THSD7B: variants seen among roughly 807,000 people sequenced by gnomAD.
The protein encoded by THSD7B is thrombospondin type 1 domain containing 7B.
Under a neutral mutation model 213.6 loss-of-function variants are expected in THSD7B, and 138 were observed. That is an observed-to-expected ratio of 0.65 (90% CI 0.56 to 0.74). The LOEUF is 0.74. THSD7B is among the 30% of genes least tolerant of loss of function. THSD7B has a pLI of 0.00. For synonymous variants in THSD7B, 742 were observed against 687.0 expected, an observed-to-expected ratio of 1.08 and a Z score of -1.25; for missense variants, 1,931 against 1,991.5, an observed-to-expected ratio of 0.97 and a Z score of 0.58.
At chr2:137,565,427 C>T (rs562854566) in intron 16 of THSD7B, among the ~76,000 whole-genome samples, 1 of 152,152 alleles carries the variant, frequency 6.6e-6, no homozygotes, top group East Asian at 1.9e-4. Flanking sequence ...GAGAATGAGA[C>T]CACAAGAATG....
intron 12 of THSD7B, among the ~76,000 whole-genome samples, chr2:137,404,468 T>TACACACACACACAC (rs1433746813): frequency 1.4e-5 from 1 of 73,124 alleles, no homozygotes; most frequent in African/African-American, 5.3e-5. Context: ...TATATATATA[T>TACACACACACACAC]ATATATACAC....
intron 12 of THSD7B, among the ~76,000 whole-genome samples, chr2:137,369,952 G>T (rs984034336): frequency 6.8e-6 from 1 of 146,654 alleles, no homozygotes; most frequent in Admixed American, 7.0e-5. Context: ...AATTTGAATA[G>T]CTGTCTCTGT....
At chr2:137,343,549 T>C (rs1684808184) in intron 12 of THSD7B, among the ~76,000 whole-genome samples, 1 of 151,714 alleles carries the variant, frequency 6.6e-6, no homozygotes, top group Non-Finnish European at 1.5e-5. Context: ...TATTGGTGTT[T>C]GGGGCAGGAT....
intron 15 of THSD7B, among the ~76,000 whole-genome samples, chr2:137,473,704 T>G (rs1309846459): frequency 1.3e-5 from 2 of 152,198 alleles, no homozygotes; most frequent in African/African-American, 2.4e-5. Context: ...TTCAATTGCT[T>G]TTAAGTACCA....
chr2:136,967,737 CCT>C (rs1336929790), intron 2 of THSD7B, among the ~76,000 whole-genome samples: 1 of 152,140 alleles, frequency 6.6e-6, no homozygotes, highest in Non-Finnish European at 1.5e-5. Context: ...CAATCAACTC[CCT>C]CTTACCCAGA....
intron 25 of THSD7B, among the ~76,000 whole-genome samples, chr2:137,661,429 A>AGTC (rs967875820): frequency 2.2e-4 from 33 of 152,020 alleles, no homozygotes; most frequent in African/African-American, 7.2e-4. Context: ...TCTTTGGTGA[A>AGTC]GTCTTTTATC....
intron 15 of THSD7B, among the ~76,000 whole-genome samples, chr2:137,457,571 G>C (rs1414144205): frequency 5.3e-5 from 8 of 152,120 alleles, no homozygotes; most frequent in Non-Finnish European, 1.5e-5. Flanking sequence ...AGCTTCAACA[G>C]GAAAATCAAA....
At chr2:137,478,125 T>C (rs973684818) in intron 15 of THSD7B, among the ~76,000 whole-genome samples, 1 of 152,178 alleles carries the variant, frequency 6.6e-6, no homozygotes, top group African/African-American at 2.4e-5. Context: ...TCTGGATGTC[T>C]AAATCTTTTC....
At chr2:136,777,921 C>T (rs1173310855) in intron 1 of THSD7B, among the ~76,000 whole-genome samples, 1 of 152,080 alleles carries the variant, frequency 6.6e-6, no homozygotes, top group Non-Finnish European at 1.5e-5. Flanking sequence ...TAATCCTCTT[C>T]CTAGAGGACT....
At chr2:137,392,514 T>G (rs937929951) in intron 12 of THSD7B, among the ~76,000 whole-genome samples, 3 of 152,190 alleles carry the variant, frequency 2.0e-5, no homozygotes, top group African/African-American at 7.2e-5. Flanking sequence ...CATTTTTGTC[T>G]TTTCATAAAC....
intron 2 of THSD7B, among the ~76,000 whole-genome samples, chr2:136,899,098 A>T (rs865839906): frequency 6.6e-6 from 1 of 152,182 alleles, no homozygotes; most frequent in Non-Finnish European, 1.5e-5. Context: ...CCTTAGTTAA[A>T]TGAATAGACT....
At chr2:137,507,727 CCT>C (rs1388773070) in intron 15 of THSD7B, among the ~76,000 whole-genome samples, 1 of 150,966 alleles carries the variant, frequency 6.6e-6, no homozygotes, top group Non-Finnish European at 1.5e-5. Flanking sequence ...TGTCTTCTTT[CCT>C]CTCTCTCTAC....
intron 2 of THSD7B, among the ~76,000 whole-genome samples, chr2:136,960,828 G>A (rs1685203870): frequency 6.6e-6 from 1 of 151,202 alleles, no homozygotes; most frequent in African/African-American, 2.4e-5. Flanking sequence ...AGTGGCTCAG[G>A]CCTGTAATCC....
intron 1 of THSD7B, among the ~76,000 whole-genome samples, chr2:136,801,768 G>A (rs1434282318): frequency 6.6e-6 from 1 of 152,138 alleles, no homozygotes; most frequent in African/African-American, 2.4e-5. Context: ...AGGGCAGGGT[G>A]TAATTGTGCA....
At chr2:137,453,531 G>A (rs1687698259) in intron 15 of THSD7B, among the ~76,000 whole-genome samples, 1 of 151,742 alleles carries the variant, frequency 6.6e-6, no homozygotes, top group South Asian at 2.1e-4. Context: ...GGGTTTCACT[G>A]TGTTAGCCAT....
At chr2:137,605,278 C>T (rs537697760) in intron 17 of THSD7B, among the ~76,000 whole-genome samples, 5 of 152,210 alleles carry the variant, frequency 3.3e-5, no homozygotes, top group Non-Finnish European at 7.3e-5. Flanking sequence ...ACCCTATGTC[C>T]TTTCATGTCT....
intron 12 of THSD7B, among the ~76,000 whole-genome samples, chr2:137,317,123 G>A (rs1558755727): frequency 6.6e-6 from 1 of 151,974 alleles, no homozygotes; most frequent in Non-Finnish European, 1.5e-5. Context: ...CAAATTTTTT[G>A]TATATCTTGA....
chr2:137,336,611 T>A (rs1323996234), intron 12 of THSD7B, among the ~76,000 whole-genome samples: 1 of 152,170 alleles, frequency 6.6e-6, no homozygotes, highest in Non-Finnish European at 1.5e-5. Flanking sequence ...GTTCTTTTCA[T>A]GGTCTTGCTC....
intron 12 of THSD7B, among the ~76,000 whole-genome samples, chr2:137,400,946 G>C (rs1686341620): frequency 6.6e-6 from 1 of 152,282 alleles, no homozygotes; most frequent in African/African-American, 2.4e-5. Flanking sequence ...TGGAAGTGGT[G>C]GGGCAGTCCT....
Sources: gnomAD v4.1 joint callset for allele counts (sites outside exome capture counted in the v4.1 genomes callset) on GRCh38, gnomAD v4.1.1 for gene constraint, MANE v1.5 for transcripts, NCBI Gene and HGNC (gene_info 2026-07-23, HGNC 2026-07-21) for gene names.